The following LRRTM4 variants were observed in gnomAD, a reference collection of about 807,000 sequenced individuals.
LRRTM4 encodes the protein leucine rich repeat transmembrane neuronal 4.
LRRTM4 carries 25 observed loss-of-function variants against 47.6 expected under a neutral mutation model. The observed-to-expected ratio is 0.53, with a 90% CI of 0.38 to 0.73. LRRTM4 has a LOEUF of 0.73. Ranked by LOEUF, LRRTM4 falls within the 30% of genes least tolerant of loss-of-function variation. LRRTM4 has a pLI of 0.00. For missense variants in LRRTM4, 638 were observed against 713.4 expected, an observed-to-expected ratio of 0.89 and a Z score of 1.20; for synonymous variants, 311 against 269.5, an observed-to-expected ratio of 1.15 and a Z score of -1.51.
intron 3 of LRRTM4, among the ~76,000 whole-genome samples, chr2:76,805,313 T>C (rs559469781): frequency 6.6e-6 from 1 of 152,280 alleles, no homozygotes; most frequent in African/African-American, 2.4e-5. Context: ...TTGGCATCAA[T>C]TTGTCTGCCA....
At chr2:77,055,524 A>G (rs976765296) in intron 3 of LRRTM4, among the ~76,000 whole-genome samples, 2 of 152,244 alleles carry the variant, frequency 1.3e-5, no homozygotes, top group South Asian at 2.1e-4. Context: ...GGCAATCATT[A>G]AAAAGTCAGT....
chr2:76,794,415 G>A (rs1239209376), intron 3 of LRRTM4, among the ~76,000 whole-genome samples: 2 of 152,034 alleles, frequency 1.3e-5, no homozygotes, highest in Non-Finnish European at 2.9e-5. Context: ...ATGACTAATC[G>A]GCTTTACCAG....
At chr2:76,904,919 G>A (rs548494796) in intron 3 of LRRTM4, among the ~76,000 whole-genome samples, 19 of 152,148 alleles carry the variant, frequency 1.2e-4, no homozygotes, top group South Asian at 1.2e-3. Flanking sequence ...GAACAGCTTC[G>A]GTCTACAGCT....
chr2:77,440,242 G>A (rs1366821821), intron 3 of LRRTM4, among the ~76,000 whole-genome samples: 2 of 151,982 alleles, frequency 1.3e-5, no homozygotes, highest in Non-Finnish European at 2.9e-5. Context: ...GTGAGAACCC[G>A]TCTCTACTAA....
intron 3 of LRRTM4, among the ~76,000 whole-genome samples, chr2:77,431,677 G>A (rs947358315): frequency 3.4e-5 from 5 of 149,056 alleles, no homozygotes; most frequent in Non-Finnish European, 7.4e-5. Context: ...TTTCTAGCTG[G>A]GAATCTGTGA....
chr2:77,213,847 A>G (rs1674363373), intron 3 of LRRTM4, among the ~76,000 whole-genome samples: 1 of 152,120 alleles, frequency 6.6e-6, no homozygotes, highest in Non-Finnish European at 1.5e-5. Flanking sequence ...CAGGAAGAAG[A>G]GTGCTTCACT....
chr2:76,937,408 G>A (rs960502169), intron 3 of LRRTM4, among the ~76,000 whole-genome samples: 1 of 152,124 alleles, frequency 6.6e-6, no homozygotes, highest in Non-Finnish European at 1.5e-5. Context: ...TGGGAAATTG[G>A]CACCAGAATC....
At chr2:76,944,786 T>G (rs2103871270) in intron 3 of LRRTM4, among the ~76,000 whole-genome samples, 1 of 152,098 alleles carries the variant, frequency 6.6e-6, no homozygotes, top group Non-Finnish European at 1.5e-5. Flanking sequence ...CATTTTAGAT[T>G]AATGGGAAGG....
chr2:77,091,447 A>C (rs114608952), intron 3 of LRRTM4, among the ~76,000 whole-genome samples: 64,677 of 138,172 alleles, frequency 0.47, 18,441 homozygotes, highest in African/African-American at 0.82. Context: ...TATAAACTCT[A>C]CTTACAATTC....
chr2:76,798,930 A>T, intron 3 of LRRTM4, among the ~76,000 whole-genome samples: 1 of 150,662 alleles, frequency 6.6e-6, no homozygotes, highest in African/African-American at 2.5e-5. Flanking sequence ...ATAGACCAAT[A>T]ACAGGAGCTG....
intron 3 of LRRTM4, among the ~76,000 whole-genome samples, chr2:77,183,437 G>T (rs1395053329): frequency 6.6e-6 from 1 of 152,124 alleles, no homozygotes; most frequent in Non-Finnish European, 1.5e-5. Context: ...AACAACAGGT[G>T]CTGGAGAGGA....
intron 3 of LRRTM4, among the ~76,000 whole-genome samples, chr2:76,945,189 C>T (rs575543577): frequency 9.9e-5 from 15 of 152,094 alleles, no homozygotes; most frequent in African/African-American, 3.6e-4. Context: ...CCTTTTATCT[C>T]TGTAAAAATA....
At chr2:77,396,328 C>T (rs991820587) in intron 3 of LRRTM4, among the ~76,000 whole-genome samples, 1 of 151,794 alleles carries the variant, frequency 6.6e-6, no homozygotes, top group Non-Finnish European at 1.5e-5. Flanking sequence ...GTTTATGCTC[C>T]CCTCAAGGCA....
At chr2:77,091,667 T>G (rs1254550078) in intron 3 of LRRTM4, among the ~76,000 whole-genome samples, 2 of 149,388 alleles carry the variant, frequency 1.3e-5, no homozygotes, top group Non-Finnish European at 3.0e-5. Flanking sequence ...TCCCAGCCTC[T>G]CTTCGCTTTC....
At chr2:77,209,081 C>T (rs1674220906) in intron 3 of LRRTM4, among the ~76,000 whole-genome samples, 1 of 152,136 alleles carries the variant, frequency 6.6e-6, no homozygotes, top group Non-Finnish European at 1.5e-5. Flanking sequence ...AGCGCTCTCT[C>T]CTCACATGGC....
chr2:77,394,701 C>G (rs906569345), intron 3 of LRRTM4, among the ~76,000 whole-genome samples: 3 of 151,908 alleles, frequency 2.0e-5, no homozygotes, highest in Admixed American at 6.6e-5. Flanking sequence ...ATGCAGGTTA[C>G]GTACAACTCA....
intron 3 of LRRTM4, among the ~76,000 whole-genome samples, chr2:77,022,573 G>C (rs1678312221): frequency 6.6e-6 from 1 of 152,152 alleles, no homozygotes; most frequent in African/African-American, 2.4e-5. Flanking sequence ...ACAGATATTA[G>C]GTAAATATAG....
intron 3 of LRRTM4, among the ~76,000 whole-genome samples, chr2:77,479,878 C>T (rs1269632575): frequency 6.6e-6 from 1 of 152,078 alleles, no homozygotes; most frequent in Non-Finnish European, 1.5e-5. Context: ...TATAAACCAG[C>T]TGATATTTGA....
In LRRTM4 at chr2:77,519,188, A is replaced by T. The variant is rs1000966591; in HGVS notation, c.681T>A (p.Arg227=). ...FSKINFAHFP[R]LFNLRSIYLQ... Reference sequence around the variant, plus strand: ...AGTAAATTGAGCGGAGGTTGAAGAGACGTGGAAAATGAGCAAAGTTGATCT... The same window carrying T: ...AGTAAATTGAGCGGAGGTTGAAGAGTCGTGGAAAATGAGCAAAGTTGATCT... The change falls in exon 3 of 4, where the codon CGT becomes CGA. Residue 227 remains arginine (R), a synonymous_variant. Transcript: ENST00000409884. This position sits in a 1 kb window ranked among gnomAD's most constrained non-coding sequence, Gnocchi z 4.6. 6.2e-7 allele frequency: 1 copy of T among 1,613,286 alleles called. No homozygotes were observed. The highest frequency in any genetic ancestry group is 1.1e-5 in the South Asian group (1 of 91,068).
Sources: allele counts gnomAD v4.1 joint callset (sites outside exome capture counted in the v4.1 genomes callset), GRCh38; gene constraint gnomAD v4.1.1; non-coding constraint Gnocchi (gnomAD v3.1); transcripts MANE v1.5; gene names NCBI Gene and HGNC (gene_info 2026-07-23, HGNC 2026-07-21).